The following SLC31A1 variants were observed in gnomAD, a reference collection of about 807,000 sequenced individuals.
The protein encoded by SLC31A1 is solute carrier family 31 member 1, also known as high affinity copper uptake protein 1.
In SLC31A1, 5 loss-of-function variants were observed where a neutral mutation model predicts 17.2. The ratio of observed to expected loss-of-function variants is 0.29; its 90% CI spans 0.15 to 0.61. SLC31A1 has a LOEUF of 0.61. SLC31A1 is among the 20% of genes least tolerant of loss of function. SLC31A1 has a pLI of 0.86. For missense variants in SLC31A1, 161 were observed against 241.4 expected (o/e 0.67, Z 2.21); for synonymous variants, 76 against 78.8 (o/e 0.96, Z 0.19).
At chr9:113,238,449 C>T (rs1347682812) in intron 1 of SLC31A1, among the ~76,000 whole-genome samples, 10 of 152,154 alleles carry the variant, frequency 6.6e-5, no homozygotes, top group African/African-American at 2.4e-4. Flanking sequence ...TTCACTATGT[C>T]TAAAGCAGGG....
chr9:113,229,026 A>G (rs1170217545), intron 1 of SLC31A1, among the ~76,000 whole-genome samples: 7 of 152,044 alleles, frequency 4.6e-5, no homozygotes, highest in Non-Finnish European at 1.0e-4. Context: ...TTATATTTTT[A>G]GTAGAGATGG....
chr9:113,260,021 CT>C (rs1245546391), intron 4 of SLC31A1, among the ~76,000 whole-genome samples: 2 of 152,168 alleles, frequency 1.3e-5, no homozygotes, highest in African/African-American at 4.8e-5. Flanking sequence ...ACTCCTCGTC[CT>C]TTTCTCCTCC....
chr9:113,225,784 G>A (rs1212581521), intron 1 of SLC31A1, among the ~76,000 whole-genome samples: 1 of 152,164 alleles, frequency 6.6e-6, no homozygotes, highest in Non-Finnish European at 1.5e-5. Context: ...CATCTCTACT[G>A]TTAATTCCTT....
At chr9:113,251,448 T>C (rs899757455) in intron 1 of SLC31A1, among the ~76,000 whole-genome samples, 3 of 151,622 alleles carry the variant, frequency 2.0e-5, no homozygotes, top group Non-Finnish European at 4.4e-5. Context: ...AAAATAAAAA[T>C]AGAGCAAAGA....
At chr9:113,247,933 T>G (rs1337615329) in intron 1 of SLC31A1, among the ~76,000 whole-genome samples, 1 of 152,216 alleles carries the variant, frequency 6.6e-6, no homozygotes, top group African/African-American at 2.4e-5. Context: ...ACTCCTTTTA[T>G]TAACTATTTT....
intron 1 of SLC31A1, among the ~76,000 whole-genome samples, chr9:113,233,248 G>A (rs944373695): frequency 1.3e-5 from 2 of 152,226 alleles, no homozygotes; most frequent in Admixed American, 6.5e-5. Context: ...CAGTTTTACC[G>A]GTTAGAGAAT....
chr9:113,236,774 CTAATG>C (rs1486710233), intron 1 of SLC31A1, among the ~76,000 whole-genome samples: 1 of 152,148 alleles, frequency 6.6e-6, no homozygotes, highest in Non-Finnish European at 1.5e-5. Context: ...GCTAAATTAC[CTAATG>C]TAATAGAAAA....
chr9:113,230,863 T>C (rs1395299868), intron 1 of SLC31A1, among the ~76,000 whole-genome samples: 2 of 152,140 alleles, frequency 1.3e-5, no homozygotes, highest in African/African-American at 4.8e-5. Flanking sequence ...ACTTTTCTTT[T>C]CTCCCCATCT....
At chr9:113,253,199 C>CCTG (rs1308833050) in intron 1 of SLC31A1, among the ~76,000 whole-genome samples, 1 of 152,084 alleles carries the variant, frequency 6.6e-6, no homozygotes, top group Non-Finnish European at 1.5e-5. Context: ...TCGTGATCCG[C>CCTG]CTGCCTCGGC....
chr9:113,259,608 A>G (rs1428987695), intron 4 of SLC31A1, among the ~76,000 whole-genome samples: 8 of 135,036 alleles, frequency 5.9e-5, no homozygotes, highest in Non-Finnish European at 1.2e-4. Flanking sequence ...TTCTGGAGAC[A>G]GGGTCTCCCT....
intron 1 of SLC31A1, among the ~76,000 whole-genome samples, chr9:113,244,984 T>G (rs1831561780): frequency 6.6e-6 from 1 of 152,228 alleles, no homozygotes; most frequent in South Asian, 2.1e-4. Flanking sequence ...TCGTTTTACT[T>G]ACCATTTTTA....
intron 1 of SLC31A1, among the ~76,000 whole-genome samples, chr9:113,225,892 G>C (rs1162276147): frequency 6.6e-6 from 1 of 152,150 alleles, no homozygotes; most frequent in Non-Finnish European, 1.5e-5. Context: ...GCTCCCGCCT[G>C]TAATCCCAGC....
chr9:113,263,745 C>T lies in SLC31A1; in HGVS notation c.*3272C>T, dbSNP rs1831819638. On this transcript the variant is annotated 3_prime_UTR_variant, in exon 5 of 5. Coordinates refer to ENST00000374212, the MANE Select transcript of SLC31A1 (RefSeq NM_001859.4). Reference sequence around the variant, plus strand: ...AAGGCTGGTACCCTTCCCAGAGTTACAGAATCTTAGGTGCCGTCTCTAGTC... The same window carrying T: ...AAGGCTGGTACCCTTCCCAGAGTTATAGAATCTTAGGTGCCGTCTCTAGTC... The T allele has an allele frequency of 6.6e-6, 1 of 152,550 alleles. No homozygotes were observed. The highest frequency in any genetic ancestry group is 2.4e-5 in the African/African-American group (1 of 41,440). The allele number at this position is 152,550 out of a possible 1,614,324, so 9.4% of individuals were successfully genotyped here. A position where few individuals can be genotyped will look rare whatever the true frequency, so the allele number is the denominator to read the frequency against.
At chr9:113,256,618 T>C in intron 2 of SLC31A1, 1 of 265,014 alleles carries the variant, frequency 3.8e-6, no homozygotes, top group Non-Finnish European at 7.3e-6. Flanking sequence ...TCCCAACACT[T>C]TGGGAGGCCA....
chr9:113,244,784 G>C (rs564536538), intron 1 of SLC31A1, among the ~76,000 whole-genome samples: 1 of 152,300 alleles, frequency 6.6e-6, no homozygotes, highest in South Asian at 2.1e-4. Flanking sequence ...GTGGGTTTGG[G>C]ATAACTACTT....
intron 1 of SLC31A1, among the ~76,000 whole-genome samples, chr9:113,241,992 A>C (rs1013576330): frequency 6.6e-6 from 1 of 152,212 alleles, no homozygotes; most frequent in Non-Finnish European, 1.5e-5. Flanking sequence ...GATCGAGACC[A>C]TCCTGGCTAA....
At position 113,235,838 on chromosome 9, in the gene SLC31A1, A is replaced by T. The variant is rs539146053; in HGVS notation, c.-36+14160A>T. Reference sequence around the variant, plus strand: ...TTGCCCTTGCTGTTTCTGCTTTGGCAAGGTGCCTCTCAGAGCAGATGATTG... The same window carrying T: ...TTGCCCTTGCTGTTTCTGCTTTGGCTAGGTGCCTCTCAGAGCAGATGATTG... On this transcript the variant is annotated intron_variant, in intron 1 of 4. Transcript: ENST00000374212. 3.3e-5 allele frequency among the ~76,000 whole-genome samples: 5 copies of T among 152,334 alleles called. No homozygotes were observed. In the East Asian group the frequency reaches 9.6e-4, roughly 29 times the overall value.
intron 1 of SLC31A1, among the ~76,000 whole-genome samples, chr9:113,225,863 T>G (rs570334080): frequency 1.9e-3 from 291 of 152,268 alleles, no homozygotes; most frequent in Middle Eastern, 3.4e-3. Context: ...AAAAGCAAAG[T>G]GTTCGGCCAG....
intron 1 of SLC31A1, among the ~76,000 whole-genome samples, chr9:113,224,627 C>A (rs1405363227): frequency 6.6e-6 from 1 of 152,196 alleles, no homozygotes; most frequent in Non-Finnish European, 1.5e-5. Context: ...GGGGTTTCTC[C>A]ATGTTGGTCA....
Sources: gnomAD v4.1 joint callset for allele counts (sites outside exome capture counted in the v4.1 genomes callset) on GRCh38, gnomAD v4.1.1 for gene constraint, MANE v1.5 for transcripts, NCBI Gene and HGNC (gene_info 2026-07-23, HGNC 2026-07-21) for gene names.